STK32A: variants seen among roughly 807,000 people sequenced by gnomAD.
STK32A encodes serine/threonine-protein kinase 32A.
In STK32A, 41 loss-of-function variants were observed where a neutral mutation model predicts 53.2. The observed-to-expected ratio is 0.77, with a 90% CI of 0.60 to 1.00. STK32A has a LOEUF of 1.00. Among genes scored for constraint, STK32A ranks in the 50% least tolerant of loss-of-function variants. STK32A has a pLI of 0.00. For synonymous variants in STK32A, 166 were observed against 162.8 expected (o/e 1.02, Z -0.15); for missense variants, 458 against 485.8 (o/e 0.94, Z 0.54).
In STK32A at chr5:147,335,020, T is replaced by A. The variant is rs1034125142; in HGVS notation, c.435-7986T>A. Among the ~76,000 whole-genome samples the A allele has an allele frequency of 2.0e-5, 3 of 152,334 alleles. No individual in the cohort carries two copies. The South Asian group carries it at 6.2e-4, about 32-fold the overall frequency. On this transcript the variant is annotated intron_variant, in intron 5 of 12. Coordinates refer to ENST00000397936, the MANE Select transcript of STK32A (RefSeq NM_001112724.2). ...CATAGAGTAAGAGATTAACAATAACTAATAATAGAACAATTATAACAATAT... is the reference window on the plus strand; with the variant it reads ...CATAGAGTAAGAGATTAACAATAACAAATAATAGAACAATTATAACAATAT...
intron 11 of STK32A, among the ~76,000 whole-genome samples, chr5:147,382,252 C>A (rs1757481069): frequency 6.6e-6 from 1 of 152,166 alleles, no homozygotes; most frequent in Non-Finnish European, 1.5e-5. Context: ...AGTTATTGCA[C>A]TTTTCAGCTC....
chr5:147,339,856 C>G (rs1449172166), intron 5 of STK32A, among the ~76,000 whole-genome samples: 1 of 149,638 alleles, frequency 6.7e-6, no homozygotes, highest in Admixed American at 6.6e-5. Flanking sequence ...GCCTGTAACC[C>G]CATTGTATCT....
Position 147,361,607 on chromosome 5 carries a change from G to C in STK32A, c.653G>C (p.Arg218Thr), listed in dbSNP as rs1307836342. Reference sequence around the variant, plus strand: ...GGAGTGACGGCATATGAACTGCTGAGAGGCCGGGTACTGTAGTAGCATTTC... The same window carrying C: ...GGAGTGACGGCATATGAACTGCTGACAGGCCGGGTACTGTAGTAGCATTTC... ...SLGVTAYELL[R>T]GRRPYHIRSS... The change falls in exon 8 of 13, where the codon AGA becomes ACA. Residue 218 changes from arginine (R) to threonine (T), a missense_variant. Physicochemically the swap from Arg to Thr is moderately conservative, Grantham distance 71. Coordinates refer to ENST00000397936, the MANE Select transcript of STK32A (RefSeq NM_001112724.2). 1.9e-6 allele frequency: 3 copies of C among 1,609,122 alleles called. No individual in the cohort carries two copies. Among genetic ancestry groups the C allele is most frequent in the Admixed American group, 1.7e-5 (1 of 59,858 alleles).
At chr5:147,257,277 G>A (rs1223212835) in intron 2 of STK32A, among the ~76,000 whole-genome samples, 1 of 152,026 alleles carries the variant, frequency 6.6e-6, no homozygotes, top group African/African-American at 2.4e-5. Context: ...ACTCTGGGTT[G>A]ACATTGGGGT....
intron 4 of STK32A, among the ~76,000 whole-genome samples, chr5:147,300,402 G>A (rs974252857): frequency 6.6e-6 from 1 of 152,140 alleles, no homozygotes; most frequent in African/African-American, 2.4e-5. Flanking sequence ...AATATGTAAG[G>A]AACAGGATTT....
intron 11 of STK32A, 27 bp from the exon 12 acceptor site, chr5:147,383,414 T>C: frequency 1.9e-6 from 3 of 1,568,072 alleles, no homozygotes; most frequent in Non-Finnish European, 2.6e-6. Context: ...ACTATACCTC[T>C]ATTTTTTTTC....
chr5:147,342,240 C>T (rs1054869341), intron 5 of STK32A, among the ~76,000 whole-genome samples: 1 of 152,168 alleles, frequency 6.6e-6, no homozygotes, highest in Non-Finnish European at 1.5e-5. Context: ...TGTCAGCTTA[C>T]TCTTTACTTA....
intron 2 of STK32A, among the ~76,000 whole-genome samples, chr5:147,253,990 TATC>T (rs1472060416): frequency 6.6e-6 from 1 of 152,190 alleles, no homozygotes; most frequent in Non-Finnish European, 1.5e-5. Context: ...CACAAGTAGA[TATC>T]ATGGAATTCT....
intron 4 of STK32A, 81 bp downstream of exon 4, chr5:147,279,479 C>G: frequency 7.7e-7 from 1 of 1,302,098 alleles, no homozygotes; most frequent in Non-Finnish European, 1.0e-6. Context: ...GCCTCTGGGA[C>G]CTCAGCCCTG....
intron 11 of STK32A, among the ~76,000 whole-genome samples, chr5:147,379,000 C>A (rs1322044050): frequency 6.6e-6 from 1 of 151,290 alleles, no homozygotes; most frequent in Non-Finnish European, 1.5e-5. Flanking sequence ...AGCATTGAAT[C>A]TATAAATTAC....
At chr5:147,292,733 T>C (rs542489027) in intron 4 of STK32A, among the ~76,000 whole-genome samples, 3 of 152,210 alleles carry the variant, frequency 2.0e-5, no homozygotes, top group African/African-American at 7.2e-5. Flanking sequence ...TGGTGGCACA[T>C]GCCTGTAATC....
chr5:147,401,259 G>A, the STK32A span, among the ~76,000 whole-genome samples: 5 of 152,192 alleles, frequency 3.3e-5, no homozygotes, highest in African/African-American at 4.8e-5. Flanking sequence ...GTTGTTAGGA[G>A]AAATAAATGA....
chr5:147,286,028 C>T (rs185369861), intron 4 of STK32A, among the ~76,000 whole-genome samples: 448 of 152,082 alleles, frequency 2.9e-3, no homozygotes, highest in African/African-American at 0.01. Context: ...AACCCAAATG[C>T]CCATCAATCA....
intron 2 of STK32A, among the ~76,000 whole-genome samples, chr5:147,251,025 TAAAC>T (rs572259054): frequency 7.1e-4 from 106 of 148,502 alleles, no homozygotes; most frequent in African/African-American, 2.5e-3. Flanking sequence ...AGCGGAGAAA[TAAAC>T]AAAGAGATGA....
At chr5:147,307,546 C>T (rs1481736166) in intron 4 of STK32A, among the ~76,000 whole-genome samples, 2 of 150,144 alleles carry the variant, frequency 1.3e-5, no homozygotes, top group African/African-American at 4.9e-5. Flanking sequence ...CCCATGAATC[C>T]TAGAGGTGGA....
intron 2 of STK32A, among the ~76,000 whole-genome samples, chr5:147,250,116 T>G (rs1753920930): frequency 6.6e-6 from 1 of 152,026 alleles, no homozygotes; most frequent in African/African-American, 2.4e-5. Context: ...AGGTTTTTGC[T>G]TGAGTAGTTA....
intron 4 of STK32A, among the ~76,000 whole-genome samples, chr5:147,301,106 A>C (rs1753110564): frequency 6.6e-6 from 1 of 152,196 alleles, no homozygotes; most frequent in African/African-American, 2.4e-5. Context: ...TTGAGGTTAC[A>C]GAAAGAGCTT....
At chr5:147,380,304 T>C (rs37227) in intron 11 of STK32A, among the ~76,000 whole-genome samples, 134,202 of 152,094 alleles carry the variant, frequency 0.88, 59,484 homozygotes, top group African/African-American at 0.97. Flanking sequence ...TTACAAATGC[T>C]TCCGTTTGCA....
chr5:147,274,744 G>A (rs1177798093), intron 2 of STK32A, among the ~76,000 whole-genome samples: 1 of 152,148 alleles, frequency 6.6e-6, no homozygotes, highest in Non-Finnish European at 1.5e-5. Flanking sequence ...TAAACCTCAT[G>A]AAGTATATAT....
Sources: gnomAD v4.1 joint callset for allele counts (sites outside exome capture counted in the v4.1 genomes callset) on GRCh38, gnomAD v4.1.1 for gene constraint, MANE v1.5 for transcripts, NCBI Gene and HGNC (gene_info 2026-07-23, HGNC 2026-07-21) for gene names.